FAM135A: variants seen among roughly 807,000 people sequenced by gnomAD.
FAM135A encodes family with sequence similarity 135 member A.
A neutral mutation model predicts 146.8 loss-of-function variants in FAM135A; 79 were observed. That is an observed-to-expected ratio of 0.54 (90% CI 0.45 to 0.65). FAM135A has a LOEUF of 0.65. FAM135A is among the 30% of genes least tolerant of loss of function. FAM135A has a pLI of 0.00. For synonymous variants in FAM135A, 562 were observed against 603.6 expected (o/e 0.93, Z 1.01); for missense variants, 1,623 against 1,758.2 (o/e 0.92, Z 1.38).
intron 21 of FAM135A, among the ~76,000 whole-genome samples, chr6:70,558,120 A>G (rs1801257205): frequency 6.6e-6 from 1 of 152,212 alleles, no homozygotes; most frequent in African/African-American, 2.4e-5. Context: ...GTATTAACAT[A>G]TTTTTAAAAT....
chr6:70,451,521 T>G (rs1777079788), intron 4 of FAM135A, among the ~76,000 whole-genome samples: 1 of 152,170 alleles, frequency 6.6e-6, no homozygotes, highest in Non-Finnish European at 1.5e-5. Context: ...CATCTAACTT[T>G]ATGGAGTTTT....
chr6:70,477,689 C>G (rs1782887604), intron 8 of FAM135A, among the ~76,000 whole-genome samples: 1 of 152,168 alleles, frequency 6.6e-6, no homozygotes. Flanking sequence ...TCCCCCTGAT[C>G]TAATCACCTC....
At chr6:70,453,343 T>A (rs1234086250) in intron 5 of FAM135A, among the ~76,000 whole-genome samples, 1 of 152,226 alleles carries the variant, frequency 6.6e-6, no homozygotes, top group Admixed American at 6.5e-5. Context: ...GTTGGGTATT[T>A]GAAGTGTTTA....
rs1790195713 is a variant in FAM135A at position 70,508,070 on chromosome 6, C to T, written c.1029+5279C>T. On this transcript the variant is annotated intron_variant, in intron 12 of 21. Transcript: ENST00000418814. ...TCCTTGAGCCTAGATTTCCACAGCT[C>T]AACATAAAAAAGGCGAGGTTCATAC... Among the ~76,000 whole-genome samples the T allele has an allele frequency of 3.3e-5, 5 of 152,008 alleles. No homozygotes were observed. The South Asian group carries it at 1.0e-3, about 32-fold the overall frequency.
intron 7 of FAM135A, 27 bp from the exon 8 acceptor site, chr6:70,477,132 T>C (rs1460703014): frequency 6.3e-7 from 1 of 1,599,054 alleles, no homozygotes. Flanking sequence ...TGTTTCATAC[T>C]TACATGCTAA....
chr6:70,520,519 A>G (rs1793329199), intron 12 of FAM135A, among the ~76,000 whole-genome samples: 1 of 152,172 alleles, frequency 6.6e-6, no homozygotes, highest in African/African-American at 2.4e-5. Flanking sequence ...AACTCTGTGA[A>G]GCATTAACAA....
chr6:70,415,848 A>G (rs1163981419), intron 2 of FAM135A, among the ~76,000 whole-genome samples: 1 of 152,194 alleles, frequency 6.6e-6, no homozygotes, highest in African/African-American at 2.4e-5. Context: ...GAACCCACTT[A>G]ACCTGTGTAT....
At chr6:70,449,121 T>G (rs1776475556) in intron 4 of FAM135A, among the ~76,000 whole-genome samples, 2 of 152,240 alleles carry the variant, frequency 1.3e-5, no homozygotes, top group Admixed American at 1.3e-4. Context: ...GAAGTGGCTT[T>G]CTTTTCATAT....
At chr6:70,497,207 G>C (rs1787483700) in intron 11 of FAM135A, among the ~76,000 whole-genome samples, 1 of 152,028 alleles carries the variant, frequency 6.6e-6, no homozygotes, top group Admixed American at 6.5e-5. Context: ...CCTTGAAGAG[G>C]TCCTTCACAT....
At chr6:70,522,921 T>C (rs779063616) in intron 13 of FAM135A, among the ~76,000 whole-genome samples, 5 of 152,188 alleles carry the variant, frequency 3.3e-5, no homozygotes, top group Non-Finnish European at 5.9e-5. Flanking sequence ...ATTTCTTATG[T>C]TCATCCTTTT....
chr6:70,524,231 A>G lies in FAM135A; in HGVS notation c.1258+110A>G, dbSNP rs1397355111. 3.6e-6 allele frequency: 5 copies of G among 1,383,374 alleles called. No homozygotes were observed. In the Admixed American group the frequency reaches 1.2e-4, roughly 33 times the overall value. The allele number at this position is 1,383,374 out of a possible 1,614,324, so 85.7% of individuals were successfully genotyped here. On this transcript the variant is annotated intron_variant, in intron 14 of 21. Coordinates refer to ENST00000418814, the MANE Select transcript of FAM135A (RefSeq NM_001162529.3). ...TGTGGAATAGTTTTTTTCCCTCTCT[A>G]GTTTTATTTATGTTTGAGGATATTA...
In FAM135A at chr6:70,475,465, AT is replaced by A; in HGVS notation, c.216del (p.Gln73LysfsTer11). On this transcript the variant is annotated frameshift_variant, in exon 6 of 22. Transcript: ENST00000418814. LOFTEE classifies it high-confidence loss of function. ...VHDSLICSKT[F>X]QILYKNEEVV... ...ATGATTCTCTAATTTGCAGTAAAAC[AT>A]TTCAAATTTTGTACAAAAATGAAGA... 3 of 1,606,656 alleles carry A rather than the reference AT, an allele frequency of 1.9e-6. No individual in the cohort carries two copies. Among genetic ancestry groups the A allele is most frequent in the Non-Finnish European group, 2.5e-6 (3 of 1,177,216 alleles).
At chr6:70,454,255 T>C (rs1777778325) in intron 5 of FAM135A, among the ~76,000 whole-genome samples, 2 of 152,342 alleles carry the variant, frequency 1.3e-5, no homozygotes, top group South Asian at 4.1e-4. Flanking sequence ...ATGGGGTTGT[T>C]TGATTTTTTT....
chr6:70,538,377 TTA>T lies in FAM135A; in HGVS notation c.4209_4210del (p.Tyr1403Ter). 1 of 1,500,434 alleles carries T rather than the reference TTA, an allele frequency of 6.7e-7. No homozygotes were observed. Among genetic ancestry groups the T allele is most frequent in the East Asian group, 2.3e-5 (1 of 42,794 alleles). The allele number at this position is 1,500,434 out of a possible 1,614,324, so 92.9% of individuals were successfully genotyped here. ...TCACTCAGACCCTCGCCAAACTTTT[TTA>T]TATAAGCTTAGTAACAAAGCAGGTA... ...RDHSDPRQTF[L>X]YKLSNKAGLH... On this transcript the variant is annotated frameshift_variant, in exon 20 of 22. Transcript: ENST00000418814. LOFTEE classifies it high-confidence loss of function.
intron 20 of FAM135A, among the ~76,000 whole-genome samples, chr6:70,554,709 C>T (rs1234972000): frequency 6.6e-6 from 1 of 152,080 alleles, no homozygotes; most frequent in Non-Finnish European, 1.5e-5. Context: ...CTCACTGCAA[C>T]CTCCGCCTCC....
chr6:70,449,712 T>G (rs940702078), intron 4 of FAM135A, among the ~76,000 whole-genome samples: 1 of 152,210 alleles, frequency 6.6e-6, no homozygotes, highest in African/African-American at 2.4e-5. Context: ...TCAATAATGC[T>G]GCAGTGAACA....
At chr6:70,447,251 G>A (rs758400134) in intron 4 of FAM135A, among the ~76,000 whole-genome samples, 10 of 152,226 alleles carry the variant, frequency 6.6e-5, no homozygotes, top group Non-Finnish European at 1.2e-4. Context: ...GTTTATTTGT[G>A]CTTCCAAATC....
intron 19 of FAM135A, among the ~76,000 whole-genome samples, chr6:70,537,960 A>T (rs952647684): frequency 2.6e-5 from 4 of 152,006 alleles, no homozygotes; most frequent in Admixed American, 6.5e-5. Context: ...GTTTTTCTTC[A>T]TCTTCTTCTT....
intron 4 of FAM135A, among the ~76,000 whole-genome samples, chr6:70,442,077 A>G (rs1194024772): frequency 2.0e-5 from 3 of 151,896 alleles, no homozygotes; most frequent in Non-Finnish European, 4.4e-5. Context: ...TTTTAATTTT[A>G]TGTTTGTGTC....
Sources: allele counts gnomAD v4.1 joint callset (sites outside exome capture counted in the v4.1 genomes callset), GRCh38; gene constraint gnomAD v4.1.1; transcripts MANE v1.5; gene names NCBI Gene and HGNC (gene_info 2026-07-23, HGNC 2026-07-21).